The following JARID2 variants were observed in gnomAD, a reference collection of about 807,000 sequenced individuals.
The protein encoded by JARID2 is protein Jumonji.
A neutral mutation model predicts 125.6 loss-of-function variants in JARID2; 21 were observed. The observed-to-expected ratio is 0.17, with a 90% confidence interval of 0.12 to 0.24. The LOEUF (loss-of-function observed/expected upper bound fraction) is 0.24, where lower values mean the gene tolerates loss of function less well. JARID2 is among the 10% of genes least tolerant of loss of function. JARID2 has a pLI of 1.00. For synonymous variants in JARID2, 736 were observed against 661.6 expected (o/e 1.11, Z -1.73); for missense variants, 1,303 against 1,639.6 (o/e 0.79, Z 3.55).
intron 1 of JARID2, among the ~76,000 whole-genome samples, chr6:15,323,503 ACTG>A (rs1455007384): frequency 1.3e-5 from 2 of 152,116 alleles, no homozygotes; most frequent in African/African-American, 2.4e-5. Context: ...AGACCACCCT[ACTG>A]CTGTCCTTTT....
chr6:15,511,547 C>G (rs2235260), intron 13 of JARID2, 146 bp downstream of exon 13: 1 of 637,692 alleles, frequency 1.6e-6, no homozygotes, highest in African/African-American at 1.8e-5. Flanking sequence ...TCCTCTGACA[C>G]AAAAGCCAAA....
chr6:15,374,529 G>C (rs928115281), intron 2 of JARID2, among the ~76,000 whole-genome samples: 1 of 152,194 alleles, frequency 6.6e-6, no homozygotes, highest in Admixed American at 6.5e-5. Context: ...TTTCCACACT[G>C]GTATGTGAGC....
At chr6:15,265,984 C>T (rs1201805567) in intron 1 of JARID2, among the ~76,000 whole-genome samples, 1 of 152,150 alleles carries the variant, frequency 6.6e-6, no homozygotes, top group Non-Finnish European at 1.5e-5. Context: ...AATTGTGCTT[C>T]CTTCCTCCCA....
chr6:15,481,425 T>C (rs548133965), intron 5 of JARID2, among the ~76,000 whole-genome samples: 38 of 152,206 alleles, frequency 2.5e-4, no homozygotes, highest in African/African-American at 7.2e-4. Context: ...CTCTCTCTTA[T>C]GTTCACAGGG....
chr6:15,431,598 C>T (rs1318298305), intron 3 of JARID2, among the ~76,000 whole-genome samples: 1 of 152,152 alleles, frequency 6.6e-6, no homozygotes, highest in Non-Finnish European at 1.5e-5. Context: ...GTTCAAGCCT[C>T]AGAAGACCAG....
chr6:15,484,000 C>A (rs1477252089), intron 5 of JARID2, among the ~76,000 whole-genome samples: 1 of 152,162 alleles, frequency 6.6e-6, no homozygotes, highest in Non-Finnish European at 1.5e-5. Context: ...TATAGTTAAC[C>A]TACCATTTTT....
At chr6:15,429,807 A>C (rs1330104788) in intron 3 of JARID2, among the ~76,000 whole-genome samples, 1 of 152,148 alleles carries the variant, frequency 6.6e-6, no homozygotes, top group African/African-American at 2.4e-5. Context: ...AAATGTACAC[A>C]CACGTTTCTA....
intron 8 of JARID2, among the ~76,000 whole-genome samples, chr6:15,502,519 C>T (rs1363157384): frequency 6.6e-6 from 1 of 152,204 alleles, no homozygotes; most frequent in African/African-American, 2.4e-5. Flanking sequence ...ACCACCATAC[C>T]CTCAGGTGCC....
chr6:15,353,647 T>C (rs1380131914), intron 1 of JARID2, among the ~76,000 whole-genome samples: 1 of 152,194 alleles, frequency 6.6e-6, no homozygotes, highest in Non-Finnish European at 1.5e-5. Flanking sequence ...CTGGTGGGAA[T>C]TCCATGTTTC....
At chr6:15,300,560 A>G (rs532310358) in intron 1 of JARID2, among the ~76,000 whole-genome samples, 36 of 152,252 alleles carry the variant, frequency 2.4e-4, no homozygotes, top group African/African-American at 7.5e-4. Context: ...CCAGGAGACT[A>G]ATGACAACAT....
intron 9 of JARID2, 45 bp downstream of exon 9, chr6:15,504,637 C>A: frequency 7.6e-7 from 1 of 1,311,740 alleles, no homozygotes; most frequent in Non-Finnish European, 1.1e-6. Flanking sequence ...GTGTGGGAAC[C>A]CCTCGGCGAG....
intron 1 of JARID2, among the ~76,000 whole-genome samples, chr6:15,301,428 T>C (rs1482810941): frequency 6.6e-6 from 1 of 152,196 alleles, no homozygotes; most frequent in Non-Finnish European, 1.5e-5. Flanking sequence ...TTCATACCTT[T>C]ATTTTTTTTC....
At chr6:15,375,567 T>C (rs764522760) in intron 2 of JARID2, among the ~76,000 whole-genome samples, 1 of 152,256 alleles carries the variant, frequency 6.6e-6, no homozygotes, top group South Asian at 2.1e-4. Flanking sequence ...AAAGGCACTC[T>C]GCCTTGTTCT....
At chr6:15,432,199 C>T (rs1021104034) in intron 3 of JARID2, among the ~76,000 whole-genome samples, 2 of 151,946 alleles carry the variant, frequency 1.3e-5, no homozygotes, top group Admixed American at 6.6e-5. Context: ...GAGGCTAAGG[C>T]GGGTGGATCT....
rs6939273 is a variant in JARID2 at position 15,475,378 on chromosome 6, C to A, written c.670+6660C>A. On this transcript the variant is annotated intron_variant, in intron 5 of 17. Coordinates refer to ENST00000341776, the MANE Select transcript of JARID2 (RefSeq NM_004973.4). ...GCAATTTTCTGAACCTGAAGAAGGC[C>A]TCTTCTGAACTGCAGACAGAGGAAA... Among the ~76,000 whole-genome samples, 809 of 152,296 alleles carry A rather than the reference C, an allele frequency of 5.3e-3. 10 individuals are homozygous for A. Among genetic ancestry groups the A allele is most frequent in the African/African-American group, 0.018 (760 of 41,548 alleles).
At chr6:15,288,434 C>T (rs1211765421) in intron 1 of JARID2, among the ~76,000 whole-genome samples, 2 of 152,214 alleles carry the variant, frequency 1.3e-5, no homozygotes, top group Non-Finnish European at 2.9e-5. Flanking sequence ...CACTTCCTGC[C>T]AGGCCCTGTC....
intron 2 of JARID2, among the ~76,000 whole-genome samples, chr6:15,394,255 G>T (rs1248717361): frequency 6.6e-6 from 1 of 152,154 alleles, no homozygotes; most frequent in Non-Finnish European, 1.5e-5. Context: ...CGCAGCCCTG[G>T]ATTGGCCTTG....
At chr6:15,282,361 T>TA in intron 1 of JARID2, among the ~76,000 whole-genome samples, 1 of 152,346 alleles carries the variant, frequency 6.6e-6, no homozygotes, top group East Asian at 1.9e-4. Flanking sequence ...CACTTAGCAT[T>TA]ATACAGCTTC....
At chr6:15,489,263 A>G (rs1770031359) in intron 6 of JARID2, among the ~76,000 whole-genome samples, 1 of 152,134 alleles carries the variant, frequency 6.6e-6, no homozygotes, top group African/African-American at 2.4e-5. Flanking sequence ...TAAAATTCTC[A>G]TGGGCCACAT....
Sources: gnomAD v4.1 joint callset for allele counts (sites outside exome capture counted in the v4.1 genomes callset) on GRCh38, gnomAD v4.1.1 for gene constraint, MANE v1.5 for transcripts, NCBI Gene and HGNC (gene_info 2026-07-23, HGNC 2026-07-21) for gene names.